Variants in PPP1R1A observed in about 807,000 individuals in gnomAD.
PPP1R1A encodes the protein protein phosphatase 1 regulatory subunit 1A.
Under a neutral mutation model 23.9 loss-of-function variants are expected in PPP1R1A, and 18 were observed. The ratio of observed to expected loss-of-function variants is 0.75; its 90% CI spans 0.52 to 1.12. The LOEUF is 1.12. Among genes scored for constraint, PPP1R1A ranks in the 50% most tolerant of loss-of-function variants. The pLI is 0.00. For missense variants in PPP1R1A, 207 were observed against 223.8 expected (o/e 0.92, Z 0.48); for synonymous variants, 84 against 80.7 (o/e 1.04, Z -0.22).
At position 54,581,612 on chromosome 12, in the gene PPP1R1A, A is replaced by G. The variant is rs371412612; in HGVS notation, c.403+364T>C. On this transcript the variant is annotated intron_variant, in intron 5 of 6. Coordinates refer to ENST00000257905, the MANE Select transcript of PPP1R1A (RefSeq NM_006741.4). This position sits in a 1 kb window ranked among gnomAD's most constrained non-coding sequence, Gnocchi z 4.1. ...TCACACACAACCCACTGCAACAGGC[A>G]CCCTCATTATCATTTTATACCCTGA... Among the ~76,000 whole-genome samples the G allele has an allele frequency of 7.2e-4, 110 of 152,186 alleles. No homozygotes were observed. Among genetic ancestry groups the G allele is most frequent in the African/African-American group, 2.6e-3 (108 of 41,508 alleles).
intron 4 of PPP1R1A, 24 bp from the exon 5 acceptor site, chr12:54,582,155 G>T: frequency 1.2e-6 from 2 of 1,603,970 alleles, no homozygotes; most frequent in Non-Finnish European, 1.7e-6. Context: ...GAAAGGGAGG[G>T]AACACTGGAT....
At chr12:54,584,467 C>T in intron 1 of PPP1R1A, 147 bp from the exon 2 acceptor site, 1 of 722,232 alleles carries the variant, frequency 1.4e-6, no homozygotes, top group Non-Finnish European at 2.3e-6. Flanking sequence ...GGCCATTATC[C>T]TAAGCAAACT....
chr12:54,582,055 T>A lies in PPP1R1A; in HGVS notation c.324A>T (p.Thr108=), dbSNP rs759283901. The part of the protein sequence containing the change: ...GEEPEGAAES[T]GTQESRPPGI... ...CAGGTGGGCGGGACTCCTGGGTTCC[T>A]GTGCTCTCAGCGGCCCCCTCAGGTT... is the stretch of plus-strand genomic sequence containing the variant. Residue 108 remains threonine, a synonymous_variant, in exon 5 of 7, where the codon ACA becomes ACT. Coordinates refer to ENST00000257905, the MANE Select transcript of PPP1R1A (RefSeq NM_006741.4). 6.2e-7 allele frequency: 1 copy of A among 1,613,892 alleles called. No homozygotes were observed. Among genetic ancestry groups the A allele is most frequent in the Non-Finnish European group, 8.5e-7 (1 of 1,179,842 alleles).
In PPP1R1A at chr12:54,581,968, G is replaced by T; in HGVS notation, c.403+8C>A. ...GGATGCCTGGGGCCCTCCCCAGCCT[G>T]AACATACTTTTTGCTGTCCCAGAGG... On this transcript the variant is annotated splice_region_variant and intron_variant, in intron 5 of 6. Coordinates refer to ENST00000257905, the MANE Select transcript of PPP1R1A (RefSeq NM_006741.4). This position sits in a 1 kb window ranked among gnomAD's most constrained non-coding sequence, Gnocchi z 4.1. 1 of 1,608,428 alleles carries T rather than the reference G, an allele frequency of 6.2e-7. No individual in the cohort carries two copies. Among genetic ancestry groups the T allele is most frequent in the South Asian group, 1.1e-5 (1 of 90,232 alleles).
At chr12:54,587,253 ACT>A (rs976114376) in intron 1 of PPP1R1A, among the ~76,000 whole-genome samples, 4 of 151,692 alleles carry the variant, frequency 2.6e-5, no homozygotes, top group African/African-American at 4.9e-5. Context: ...GACAAAAAAC[ACT>A]CTCTCCACCT....
chr12:54,580,958 T>C lies in PPP1R1A; in HGVS notation c.496A>G (p.Lys166Glu), dbSNP rs1417989899. ...PSTHIPPLDSKGANSV is the reference protein window; with the variant it reads ...PSTHIPPLDSEGANSV ...TGGGGTCTTACCGAGTTGGCTCCCT[T>C]GGAATCCAGTGGTGGTATATGGGTT... Residue 166 changes from lysine to glutamate, a missense_variant, in exon 6 of 7, where the codon AAG becomes GAG. Transcript: ENST00000257905. 3.7e-6 allele frequency: 6 copies of C among 1,613,712 alleles called. No individual in the cohort carries two copies. Among genetic ancestry groups the C allele is most frequent in the Non-Finnish European group, 5.1e-6 (6 of 1,179,562 alleles).
chr12:54,582,127 G>C lies in PPP1R1A; in HGVS notation c.252C>G (p.Leu84=). The change falls in exon 5 of 7, where the codon CTC becomes CTG. Residue 84 remains leucine, a synonymous_variant. Coordinates refer to ENST00000257905, the MANE Select transcript of PPP1R1A (RefSeq NM_006741.4). ...MTRITPTMKE[L]QMMVEHHLGQ... ...CCAGGTGATGTTCAACCATCATCTG[G>C]AGCTCTGGGGACACAGAGAAAGGGA... 6.2e-7 allele frequency: 1 copy of C among 1,612,596 alleles called. No individual in the cohort carries two copies. The highest frequency in any genetic ancestry group is 8.5e-7 in the Non-Finnish European group (1 of 1,179,268).
intron 1 of PPP1R1A, among the ~76,000 whole-genome samples, chr12:54,586,469 C>T (rs1430550747): frequency 6.6e-6 from 1 of 152,202 alleles, no homozygotes; most frequent in African/African-American, 2.4e-5. Context: ...TGCCAAGGAT[C>T]TGGAAGCTGT....
intron 4 of PPP1R1A, 74 bp from the exon 5 acceptor site, chr12:54,582,205 A>G: frequency 6.9e-7 from 1 of 1,452,828 alleles, no homozygotes; most frequent in Non-Finnish European, 9.2e-7. Context: ...TCCGGATTCA[A>G]CAGCCCCACT....
At chr12:54,587,296 GT>G (rs983557352) in intron 1 of PPP1R1A, among the ~76,000 whole-genome samples, 6 of 152,148 alleles carry the variant, frequency 3.9e-5, no homozygotes, top group Admixed American at 6.5e-5. Context: ...TTTTTTTCAG[GT>G]TGGGGGTGGC....
intron 6 of PPP1R1A, 32 bp from the exon 7 acceptor site, chr12:54,580,424 G>C: frequency 6.3e-7 from 1 of 1,595,926 alleles, no homozygotes; most frequent in Middle Eastern, 1.7e-4. Flanking sequence ...AGAAAGAGAA[G>C]GTGAGAGGCC....
At chr12:54,582,853 C>T (rs1280398708) in intron 3 of PPP1R1A, 58 bp from the exon 4 acceptor site, 6 of 1,549,766 alleles carry the variant, frequency 3.9e-6, no homozygotes, top group South Asian at 1.1e-5. Context: ...CCAGACCCCT[C>T]CCTTGCCCTC....
Position 54,579,989 on chromosome 12 carries a change from TTCC to T in PPP1R1A, c.*395_*397del. The T allele has an allele frequency of 3.0e-6, 3 of 1,007,366 alleles. No homozygotes were observed. Among genetic ancestry groups the T allele is most frequent in the Non-Finnish European group, 3.6e-6 (3 of 842,984 alleles). The allele number at this position is 1,007,366 out of a possible 1,614,324, so 62.4% of individuals were successfully genotyped here. On this transcript the variant is annotated 3_prime_UTR_variant, in exon 7 of 7. Coordinates refer to ENST00000257905, the MANE Select transcript of PPP1R1A (RefSeq NM_006741.4). Reference sequence around the variant, plus strand: ...GCAGGCCTGTGAGGTGGTCGGATCGTTCCTCAATAAGAAAAGAGAACCTGGGGC... The same window carrying T: ...GCAGGCCTGTGAGGTGGTCGGATCGTTCAATAAGAAAAGAGAACCTGGGGC...
chr12:54,580,530 T>A lies in PPP1R1A; in HGVS notation c.511-138A>T, dbSNP rs1957844621. 3.5e-6 allele frequency: 3 copies of A among 864,960 alleles called. No homozygotes were observed. The Admixed American group carries it at 6.9e-5, about 20-fold the overall frequency. 53.6% of individuals were successfully genotyped at this position (864,960 alleles called of 1,614,324 possible). On this transcript the variant is annotated intron_variant, in intron 6 of 6. Transcript: ENST00000257905. Reference sequence around the variant, plus strand: ...TCTGATGTCTGAGAGCAGTCCTTCCTGTGTCCAGTCTATGCAGGGGGCTGC... The same window carrying A: ...TCTGATGTCTGAGAGCAGTCCTTCCAGTGTCCAGTCTATGCAGGGGGCTGC...
chr12:54,588,458 G>A lies in PPP1R1A; in HGVS notation c.31C>T (p.Gln11Ter). The stretch of plus-strand genomic sequence containing the variant: ...GGCTCCAGCAGCGGGACCGTGAACT[G>A]GATCTTTCGGGGGCTGTTGTCTTGC... MEQDNSPRKI[Q>*]FTVPLLEPHL... is the part of the protein sequence containing the mutation. Residue 11 changes from glutamine to a stop codon, truncating the protein, a stop_gained, in exon 1 of 7, where the codon CAG becomes TAG. Coordinates refer to ENST00000257905, the MANE Select transcript of PPP1R1A (RefSeq NM_006741.4). LOFTEE classifies it high-confidence loss of function. 1 of 1,480,338 alleles carries A rather than the reference G, an allele frequency of 6.8e-7. No individual in the cohort carries two copies. The highest frequency in any genetic ancestry group is 9.0e-7 in the Non-Finnish European group (1 of 1,109,434). The allele number at this position is 1,480,338 out of a possible 1,614,324, so 91.7% of individuals were successfully genotyped here.
At chr12:54,584,421 A>T (rs1957888858) in intron 1 of PPP1R1A, 101 bp from the exon 2 acceptor site, 2 of 1,124,364 alleles carry the variant, frequency 1.8e-6, no homozygotes, top group African/African-American at 3.2e-5. Context: ...AGCCTACTTA[A>T]CACACCTCAA....
chr12:54,586,767 C>G (rs1386825547), intron 1 of PPP1R1A, among the ~76,000 whole-genome samples: 1 of 152,092 alleles, frequency 6.6e-6, no homozygotes, highest in African/African-American at 2.4e-5. Context: ...AACCAGCTGG[C>G]CTTCCTCCTC....
In PPP1R1A at chr12:54,581,898, C is replaced by T. The variant is rs1957858478; in HGVS notation, c.403+78G>A. 2.7e-5 allele frequency: 41 copies of T among 1,494,652 alleles called. No individual in the cohort carries two copies. The South Asian group carries it at 5.3e-4, about 19-fold the overall frequency. 92.6% of individuals were successfully genotyped at this position (1,494,652 alleles called of 1,614,324 possible). The stretch of plus-strand genomic sequence containing the variant: ...CTCTCCCAGGCTCCAACTCTTTCCC[C>T]TCCCCGCAGTGGGTAAGGCTTGCCT... On this transcript the variant is annotated intron_variant, in intron 5 of 6. Coordinates refer to ENST00000257905, the MANE Select transcript of PPP1R1A (RefSeq NM_006741.4). This position sits in a 1 kb window ranked among gnomAD's most constrained non-coding sequence, Gnocchi z 4.1.
Position 54,582,141 on chromosome 12 carries a change from C to G in PPP1R1A, c.248-10G>C, listed in dbSNP as rs768589269. On this transcript the variant is annotated splice_polypyrimidine_tract_variant and intron_variant, in intron 4 of 6. Coordinates refer to ENST00000257905, the MANE Select transcript of PPP1R1A (RefSeq NM_006741.4). ...ACCATCATCTGGAGCTCTGGGGACA[C>G]AGAGAAAGGGAGGGAACACTGGATA... is the stretch of plus-strand genomic sequence containing the variant. The G allele has an allele frequency of 3.1e-6, 5 of 1,609,920 alleles. 1 individual carries two copies. In the African/African-American group the frequency reaches 4.0e-5, roughly 13 times the overall value.
Sources: allele counts gnomAD v4.1 joint callset (sites outside exome capture counted in the v4.1 genomes callset), GRCh38; gene constraint gnomAD v4.1.1; non-coding constraint Gnocchi (gnomAD v3.1); transcripts MANE v1.5; gene names NCBI Gene and HGNC (gene_info 2026-07-23, HGNC 2026-07-21).